UBE2F: variants seen among roughly 807,000 people sequenced by gnomAD.
UBE2F encodes the protein NEDD8-conjugating enzyme UBE2F.
A neutral mutation model predicts 29.6 loss-of-function variants in UBE2F; 5 were observed. That is an observed-to-expected ratio of 0.17 (90% CI 0.09 to 0.36). UBE2F has a LOEUF of 0.36. Among genes scored for constraint, UBE2F ranks in the 10% least tolerant of loss-of-function variants. UBE2F has a pLI of 1.00. For synonymous variants in UBE2F, 66 were observed against 81.8 expected (o/e 0.81, Z 1.04); for missense variants, 141 against 228.5 (o/e 0.62, Z 2.47).
intron 4 of UBE2F, among the ~76,000 whole-genome samples, chr2:238,008,746 A>G (rs1437350027): frequency 6.6e-6 from 1 of 152,230 alleles, no homozygotes; most frequent in Non-Finnish European, 1.5e-5. Context: ...GACAAACAGT[A>G]GTATGTTTCC....
At chr2:238,023,324 A>G (rs1275946801) in intron 5 of UBE2F, among the ~76,000 whole-genome samples, 1 of 152,206 alleles carries the variant, frequency 6.6e-6, no homozygotes. Context: ...AGAAAAGCAC[A>G]ATGTGAAATT....
chr2:238,001,866 A>G (rs2063801071), intron 4 of UBE2F, among the ~76,000 whole-genome samples: 1 of 152,180 alleles, frequency 6.6e-6, no homozygotes, highest in African/African-American at 2.4e-5. Context: ...TGTATCAGTC[A>G]TTAGATTATT....
At chr2:237,984,015 C>T (rs1469178963) in intron 2 of UBE2F, among the ~76,000 whole-genome samples, 1 of 151,934 alleles carries the variant, frequency 6.6e-6, no homozygotes, top group Non-Finnish European at 1.5e-5. Flanking sequence ...CAGCCTTGTT[C>T]TCCTCTTCTT....
intron 5 of UBE2F, among the ~76,000 whole-genome samples, chr2:238,023,616 A>G (rs1400234848): frequency 1.3e-5 from 2 of 152,266 alleles, no homozygotes; most frequent in African/African-American, 4.8e-5. Flanking sequence ...CTCCTCAGAA[A>G]GCATCATAAA....
At chr2:237,983,682 T>G (rs531927548) in intron 2 of UBE2F, among the ~76,000 whole-genome samples, 2 of 152,276 alleles carry the variant, frequency 1.3e-5, no homozygotes, top group East Asian at 3.9e-4. Flanking sequence ...GCAGCTGTTT[T>G]GACCTCACAT....
chr2:238,033,453 G>T (rs2064632254), intron 8 of UBE2F, among the ~76,000 whole-genome samples: 1 of 152,152 alleles, frequency 6.6e-6, no homozygotes, highest in Non-Finnish European at 1.5e-5. Context: ...ATCTTGGATG[G>T]TCCACCCAGG....
chr2:237,981,700 C>T (rs2063380215), intron 2 of UBE2F, among the ~76,000 whole-genome samples: 1 of 130,936 alleles, frequency 7.6e-6, no homozygotes, highest in African/African-American at 2.9e-5. Flanking sequence ...GATCTCAGCA[C>T]ACTGTAACCT....
intron 8 of UBE2F, chr2:238,035,566 C>G (rs2064689118): frequency 4.4e-6 from 1 of 226,100 alleles, no homozygotes; most frequent in Admixed American, 5.6e-5. Flanking sequence ...GGTTTTCATT[C>G]TCCAGTTATC....
chr2:237,972,170 A>G (rs2063188674), intron 1 of UBE2F, among the ~76,000 whole-genome samples: 1 of 152,224 alleles, frequency 6.6e-6, no homozygotes, highest in Middle Eastern at 3.2e-3. Context: ...AATAAAACAC[A>G]AATGTAAGTA....
chr2:237,990,372 C>A, intron 3 of UBE2F: 1 of 452,544 alleles, frequency 2.2e-6, no homozygotes, highest in South Asian at 1.6e-5. Context: ...TCCCACAGGC[C>A]CCCAACTTGA....
At position 238,041,350 on chromosome 2, in the gene UBE2F, G is replaced by A. The variant is rs1366880498; in HGVS notation, c.*12G>A. On this transcript the variant is annotated 3_prime_UTR_variant, in exon 10 of 10. Coordinates refer to ENST00000272930, the MANE Select transcript of UBE2F (RefSeq NM_080678.3). ...GTTATGCCAGATGATAAAAGGGGAC[G>A]ATTGCAGGCCCATGGACTGTGTTAC... The A allele has an allele frequency of 3.1e-6, 5 of 1,613,546 alleles. No individual in the cohort carries two copies. Among genetic ancestry groups the A allele is most frequent in the Admixed American group, 3.3e-5 (2 of 59,978 alleles).
intron 6 of UBE2F, among the ~76,000 whole-genome samples, chr2:238,026,270 C>G (rs1361045677): frequency 6.6e-6 from 1 of 152,220 alleles, no homozygotes; most frequent in African/African-American, 2.4e-5. Context: ...GTTTTCTTAG[C>G]ACATTTCTCC....
intron 5 of UBE2F, among the ~76,000 whole-genome samples, chr2:238,023,327 G>A (rs192075522): frequency 1.3e-5 from 2 of 152,290 alleles, no homozygotes; most frequent in African/African-American, 4.8e-5. Flanking sequence ...AAAGCACAAT[G>A]TGAAATTTAT....
chr2:238,030,677 G>A (rs567864100), intron 7 of UBE2F, 64 bp downstream of exon 7: 231 of 1,272,244 alleles, frequency 1.8e-4, no homozygotes, highest in Middle Eastern at 7.4e-4. Context: ...GCAGTAGCCA[G>A]CCTCCCGAGA....
At chr2:237,988,406 C>T (rs1386657019) in intron 3 of UBE2F, among the ~76,000 whole-genome samples, 1 of 151,206 alleles carries the variant, frequency 6.6e-6, no homozygotes, top group Non-Finnish European at 1.5e-5. Flanking sequence ...TGAGATCAGG[C>T]CACTGCACTC....
intron 3 of UBE2F, among the ~76,000 whole-genome samples, chr2:237,988,371 C>T (rs2106343350): frequency 6.6e-6 from 1 of 151,970 alleles, no homozygotes; most frequent in Admixed American, 6.6e-5. Flanking sequence ...TCACTTGAAC[C>T]TGGGAGGCAG....
intron 4 of UBE2F, among the ~76,000 whole-genome samples, chr2:238,005,578 T>A (rs2063882961): frequency 6.7e-6 from 1 of 149,738 alleles, no homozygotes; most frequent in African/African-American, 2.5e-5. Flanking sequence ...TTTCACATAT[T>A]ATACAAGAGA....
chr2:238,032,330 G>A, intron 8 of UBE2F, 76 bp downstream of exon 8: 1 of 1,264,188 alleles, frequency 7.9e-7, no homozygotes, highest in South Asian at 1.2e-5. Context: ...TTAAGACATG[G>A]TTTTAACACA....
At chr2:237,991,430 G>A (rs1024780621) in intron 3 of UBE2F, among the ~76,000 whole-genome samples, 7 of 151,962 alleles carry the variant, frequency 4.6e-5, no homozygotes, top group African/African-American at 1.7e-4. Flanking sequence ...AGTTTTTAGC[G>A]GTTTCTCTGC....
Sources: allele counts gnomAD v4.1 joint callset (sites outside exome capture counted in the v4.1 genomes callset), GRCh38; gene constraint gnomAD v4.1.1; transcripts MANE v1.5; gene names NCBI Gene and HGNC (gene_info 2026-07-23, HGNC 2026-07-21).